Variants in SDK1 observed in about 807,000 individuals in gnomAD.
The protein encoded by SDK1 is sidekick cell adhesion molecule 1, also known as protein sidekick-1.
A neutral mutation model predicts 245.5 loss-of-function variants in SDK1; 157 were observed. The ratio of observed to expected loss-of-function variants is 0.64; its 90% CI spans 0.56 to 0.73. SDK1 has a LOEUF of 0.73. Ranked by LOEUF, SDK1 falls within the 30% of genes least tolerant of loss-of-function variation. The probability of loss-of-function intolerance (pLI) is 0.00; values close to 1 mark genes in which losing one functional copy is unlikely to be tolerated. For synonymous variants in SDK1, 1,647 were observed against 1,278.5 expected (o/e 1.29, Z -6.15); for missense variants, 3,583 against 3,002.3 (o/e 1.19, Z -4.52).
At chr7:4,195,381 GGCT>G (rs1281819664) in intron 35 of SDK1, among the ~76,000 whole-genome samples, 1 of 152,108 alleles carries the variant, frequency 6.6e-6, no homozygotes, top group Non-Finnish European at 1.5e-5. Flanking sequence ...ACTCTGCCCT[GGCT>G]GCTGCAGCTC....
intron 1 of SDK1, among the ~76,000 whole-genome samples, chr7:3,525,245 C>T (rs779278794): frequency 2.0e-5 from 3 of 151,826 alleles, no homozygotes; most frequent in Non-Finnish European, 4.4e-5. Flanking sequence ...TGACTGTATG[C>T]CTGTACGTGA....
intron 28 of SDK1, among the ~76,000 whole-genome samples, chr7:4,137,954 C>T (rs1779205440): frequency 6.6e-6 from 1 of 152,186 alleles, no homozygotes; most frequent in South Asian, 2.1e-4. Flanking sequence ...TTCTATTGTC[C>T]ATCGAGTCTA....
At chr7:3,652,204 T>G (rs944663651) in intron 4 of SDK1, among the ~76,000 whole-genome samples, 1 of 152,214 alleles carries the variant, frequency 6.6e-6, no homozygotes, top group Non-Finnish European at 1.5e-5. Context: ...CGCGCGTGTC[T>G]CTGAGGACAC....
In SDK1 at chr7:3,477,630, T is replaced by TTAGTAGGATTCTCC. The variant is rs372551343; in HGVS notation, c.299-141450_299-141449insTAGTAGGATTCTCC. Among the ~76,000 whole-genome samples the TTAGTAGGATTCTCC allele has an allele frequency of 9.1e-3, 1,389 of 152,050 alleles. 26 individuals are homozygous for TTAGTAGGATTCTCC. Among genetic ancestry groups the TTAGTAGGATTCTCC allele is most frequent in the African/African-American group, 0.031 (1,288 of 41,450 alleles). ...CTTGGGCTTAAGGGATTCTCCTGCC[T>TTAGTAGGATTCTCC]CAGCCTCCTTAGTAGCTGGGACTTC... On this transcript the variant is annotated intron_variant, in intron 1 of 44. Coordinates refer to ENST00000404826, the MANE Select transcript of SDK1 (RefSeq NM_152744.4).
chr7:4,184,599 C>T (rs1782775842), intron 35 of SDK1, among the ~76,000 whole-genome samples: 2 of 152,136 alleles, frequency 1.3e-5, no homozygotes, highest in Admixed American at 1.3e-4. Flanking sequence ...TCTCTGGGTC[C>T]CCTGAAGTTC....
At chr7:3,971,684 T>A (rs1782499382) in intron 12 of SDK1, 116 bp downstream of exon 12, 4 of 761,828 alleles carry the variant, frequency 5.3e-6, no homozygotes, top group Admixed American at 2.0e-5. Flanking sequence ...AGCAGGTCCC[T>A]GATTACGGTA....
At chr7:3,520,988 A>G (rs1363242098) in intron 1 of SDK1, among the ~76,000 whole-genome samples, 8 of 152,228 alleles carry the variant, frequency 5.3e-5, no homozygotes, top group Admixed American at 6.5e-5. Flanking sequence ...CACAAGGCCA[A>G]AATCAAGGTG....
intron 5 of SDK1, among the ~76,000 whole-genome samples, chr7:3,828,198 A>G (rs1779824902): frequency 6.6e-6 from 1 of 152,076 alleles, no homozygotes; most frequent in African/African-American, 2.4e-5. Flanking sequence ...AAATGAATTG[A>G]ACCTGGGAAG....
intron 1 of SDK1, among the ~76,000 whole-genome samples, chr7:3,540,491 G>GAA (rs1009532176): frequency 2.0e-5 from 3 of 152,188 alleles, no homozygotes; most frequent in African/African-American, 7.2e-5. Context: ...CAACAAGACT[G>GAA]AAAAGGCGCA....
intron 5 of SDK1, among the ~76,000 whole-genome samples, chr7:3,854,303 C>T (rs551660739): frequency 6.6e-6 from 1 of 152,168 alleles, no homozygotes; most frequent in African/African-American, 2.4e-5. Flanking sequence ...GCTCTGCAGA[C>T]CTTAGATGCC....
intron 1 of SDK1, among the ~76,000 whole-genome samples, chr7:3,320,620 T>A (rs1217414092): frequency 6.6e-6 from 1 of 152,188 alleles, no homozygotes; most frequent in African/African-American, 2.4e-5. Context: ...TTTCTAGATT[T>A]TAGCCAAAGA....
chr7:4,186,307 T>A (rs1315135048), intron 35 of SDK1, among the ~76,000 whole-genome samples: 2 of 152,224 alleles, frequency 1.3e-5, no homozygotes, highest in East Asian at 3.9e-4. Flanking sequence ...TCCCAGGAAC[T>A]GCAAGAGCAG....
chr7:3,349,630 G>C (rs4722714), intron 1 of SDK1, among the ~76,000 whole-genome samples: 58,259 of 151,814 alleles, frequency 0.38, 11,386 homozygotes, highest in African/African-American at 0.46. Flanking sequence ...GACGTAGTCT[G>C]GCTCGGTCGC....
intron 13 of SDK1, among the ~76,000 whole-genome samples, chr7:3,978,649 G>C (rs908254728): frequency 2.6e-5 from 4 of 152,056 alleles, no homozygotes; most frequent in Non-Finnish European, 5.9e-5. Context: ...GCAATAGAAT[G>C]ATAATAATAA....
chr7:4,126,467 A>G (rs2128196471), intron 25 of SDK1, among the ~76,000 whole-genome samples: 1 of 152,374 alleles, frequency 6.6e-6, no homozygotes, highest in East Asian at 1.9e-4. Flanking sequence ...CACGCCTGTA[A>G]TCCCAGCACT....
chr7:3,992,765 T>G (rs1309374617), intron 14 of SDK1, among the ~76,000 whole-genome samples: 1 of 152,212 alleles, frequency 6.6e-6, no homozygotes, highest in African/African-American at 2.4e-5. Context: ...GGTTATCTGA[T>G]TCGATAGGGA....
At chr7:3,818,346 T>C (rs1779560205) in intron 4 of SDK1, among the ~76,000 whole-genome samples, 1 of 152,224 alleles carries the variant, frequency 6.6e-6, no homozygotes, top group Non-Finnish European at 1.5e-5. Flanking sequence ...AGTATTCAAC[T>C]TTGCTACCAT....
At chr7:3,718,491 C>A (rs957150019) in intron 4 of SDK1, among the ~76,000 whole-genome samples, 2 of 151,114 alleles carry the variant, frequency 1.3e-5, no homozygotes, top group Non-Finnish European at 2.9e-5. Flanking sequence ...CACTGCACTC[C>A]AGCCTGGGTG....
chr7:3,636,862 G>A (rs147163729), intron 2 of SDK1, among the ~76,000 whole-genome samples: 11 of 152,076 alleles, frequency 7.2e-5, no homozygotes, highest in South Asian at 2.1e-4. Context: ...TTCATTTTTC[G>A]ATAGTAGCCA....
Sources: allele counts gnomAD v4.1 joint callset (sites outside exome capture counted in the v4.1 genomes callset), GRCh38; gene constraint gnomAD v4.1.1; transcripts MANE v1.5; gene names NCBI Gene and HGNC (gene_info 2026-07-23, HGNC 2026-07-21).